The following COL5A3 variants were observed in gnomAD, a reference collection of about 807,000 sequenced individuals.
The protein encoded by COL5A3 is collagen alpha-3(V) chain.
COL5A3 carries 172 observed loss-of-function variants against 250.0 expected under a neutral mutation model. That is an observed-to-expected ratio of 0.69 (90% CI 0.61 to 0.78). The LOEUF (loss-of-function observed/expected upper bound fraction) is 0.78. Among genes scored for constraint, COL5A3 ranks in the 30% least tolerant of loss-of-function variants. The pLI, the probability that COL5A3 is intolerant of heterozygous loss-of-function variation, is 0.00. For synonymous variants in COL5A3, 937 were observed against 900.4 expected, an observed-to-expected ratio of 1.04 and a Z score of -0.73; for missense variants, 2,340 against 2,334.4, an observed-to-expected ratio of 1.00 and a Z score of -0.05.
At chr19:9,998,393 G>A (rs2087304589) in intron 8 of COL5A3, among the ~76,000 whole-genome samples, 2 of 152,112 alleles carry the variant, frequency 1.3e-5, no homozygotes, top group South Asian at 4.1e-4. Flanking sequence ...GCCCAATACT[G>A]ATCCTGCATC....
intron 45 of COL5A3, among the ~76,000 whole-genome samples, chr19:9,974,901 TTTTTG>T (rs2086898570): frequency 6.6e-6 from 1 of 152,122 alleles, no homozygotes; most frequent in Non-Finnish European, 1.5e-5. Flanking sequence ...TTGTTTTTGT[TTTTTG>T]TTTTGTTTTG....
At chr19:10,007,701 G>T (rs548974563) in intron 1 of COL5A3, among the ~76,000 whole-genome samples, 1 of 152,340 alleles carries the variant, frequency 6.6e-6, no homozygotes, top group East Asian at 1.9e-4. Context: ...GCTGGGGCGG[G>T]GGGGCTAAGA....
intron 27 of COL5A3, among the ~76,000 whole-genome samples, chr19:9,987,732 T>G (rs1311394862): frequency 6.6e-6 from 1 of 151,764 alleles, no homozygotes. Context: ...CCAGCGTGGG[T>G]AACAGAGTGA....
rs779527838 is a variant in COL5A3 at position 9,969,853 on chromosome 19, T to G, written c.3990+16A>C. 2.5e-6 allele frequency: 4 copies of G among 1,613,528 alleles called. No homozygotes were observed. In the Admixed American group the frequency reaches 6.7e-5, roughly 27 times the overall value. ...AGAGTAGTGCAGGGACCCTTCCCCTTGCCAGGGGGACTCACCTTGGCACCT... is the reference window on the plus strand; with the variant it reads ...AGAGTAGTGCAGGGACCCTTCCCCTGGCCAGGGGGACTCACCTTGGCACCT... On this transcript the variant is annotated intron_variant, in intron 55 of 66. Coordinates refer to ENST00000264828, the MANE Select transcript of COL5A3 (RefSeq NM_015719.4).
At chr19:9,991,913 G>T (rs2087197954) in intron 22 of COL5A3, 72 bp from the exon 23 acceptor site, 2 of 1,573,154 alleles carry the variant, frequency 1.3e-6, no homozygotes, top group Non-Finnish European at 1.7e-6. Context: ...AATTGACTTG[G>T]GGGGGGTCAG....
chr19:10,003,590 G>A lies in COL5A3; in HGVS notation c.824C>T (p.Pro275Leu). The change falls in exon 6 of 67, where the codon CCA becomes CTA. Residue 275 changes from proline to leucine, a missense_variant. Physicochemically the swap from Pro to Leu is moderately conservative, Grantham distance 98 (BLOSUM62 -3). Coordinates refer to ENST00000264828, the MANE Select transcript of COL5A3 (RefSeq NM_015719.4). ...CTGGTTCTCTGCGGAGTCAGGAGGT[G>A]GACTTGAGGTCCAAATTTCCTTGTT... The part of the protein sequence containing the change: ...KKNKEIWTSS[P>L]PPDSAENQTS... The A allele has an allele frequency of 6.2e-7, 1 of 1,614,164 alleles. No homozygotes were observed.
intron 39 of COL5A3, 73 bp from the exon 40 acceptor site, chr19:9,979,053 C>G: frequency 6.8e-7 from 1 of 1,468,936 alleles, no homozygotes; most frequent in Non-Finnish European, 9.1e-7. Flanking sequence ...ACTCAGGGCC[C>G]CCTCCCCCAT....
Position 9,974,167 on chromosome 19 carries a change from A to C in COL5A3, c.3504+4T>G. 6.2e-7 allele frequency: 1 copy of C among 1,613,630 alleles called. No individual in the cohort carries two copies. Reference sequence around the variant, plus strand: ...CCCTCCCACCTTCCTCTGGGAGTGCATACCATGGACCCGACGTCTCCGACC... The same window carrying C: ...CCCTCCCACCTTCCTCTGGGAGTGCCTACCATGGACCCGACGTCTCCGACC... On this transcript the variant is annotated splice_donor_region_variant and intron_variant, in intron 47 of 66. Coordinates refer to ENST00000264828, the MANE Select transcript of COL5A3 (RefSeq NM_015719.4).
In COL5A3 at chr19:10,010,444, A is replaced by G. The variant is rs1051719342; in HGVS notation, c.-59T>C. The G allele has an allele frequency of 6.1e-5, 72 of 1,179,592 alleles. No individual in the cohort carries two copies. The African/African-American group carries it at 1.1e-3, about 18-fold the overall frequency. 73.1% of individuals were successfully genotyped at this position (1,179,592 alleles called of 1,614,324 possible). A position where few individuals can be genotyped will look rare whatever the true frequency, so the allele number is the denominator to read the frequency against. On this transcript the variant is annotated 5_prime_UTR_variant, in exon 1 of 67. Transcript: ENST00000264828. ...GTCGGGGCGGCTGCGGGGCGCGGCGACTTCTCGGGCTCGGTGCAGTCACTC... is the reference window on the plus strand; with the variant it reads ...GTCGGGGCGGCTGCGGGGCGCGGCGGCTTCTCGGGCTCGGTGCAGTCACTC...
At chr19:9,980,919 G>A in intron 33 of COL5A3, 60 bp from the exon 34 acceptor site, 17 of 1,559,826 alleles carry the variant, frequency 1.1e-5, no homozygotes, top group Non-Finnish European at 1.5e-5. Flanking sequence ...TGGGAGATGA[G>A]ACCAAGTCTT....
At chr19:9,992,636 G>A (rs1220464354) in intron 21 of COL5A3, among the ~76,000 whole-genome samples, 191 bp downstream of exon 21, 1 of 151,782 alleles carries the variant, frequency 6.6e-6, no homozygotes, top group Non-Finnish European at 1.5e-5. Flanking sequence ...AATTAGCCAG[G>A]TGTGCTGGTG....
rs1466787883 is a variant in COL5A3, at chr19:10,005,807, G to T, written c.426C>A (p.Leu142=). 1 of 1,611,040 alleles carries T rather than the reference G, an allele frequency of 6.2e-7. No individual in the cohort carries two copies. The highest frequency in any genetic ancestry group is 1.7e-5 in the Admixed American group (1 of 59,820). Reference sequence around the variant, plus strand: ...CTCCCCATGCTCACCTGCCATCTGTGAGGTTGACCTGCTGGGGGAGGGGGC... The same window carrying T: ...CTCCCCATGCTCACCTGCCATCTGTTAGGTTGACCTGCTGGGGGAGGGGGC... ...PFRPLPQQVN[L]TDGRWHRVAV... The change falls in exon 3 of 67, where the codon CTC becomes CTA. Residue 142 remains leucine, a synonymous_variant. Transcript: ENST00000264828.
chr19:9,997,466 A>G, intron 10 of COL5A3, 33 bp from the exon 11 acceptor site: 6 of 1,498,220 alleles, frequency 4.0e-6, no homozygotes, highest in Non-Finnish European at 5.5e-6. Context: ...AGTCACAGGA[A>G]GTGCAAAGTT....
In COL5A3 at chr19:9,998,278, C is replaced by T. The variant is rs2087303026; in HGVS notation, c.1111-129G>A. The T allele has an allele frequency of 4.3e-6, 4 of 937,720 alleles. No individual in the cohort carries two copies. The African/African-American group carries it at 6.7e-5, about 16-fold the overall frequency. The allele number at this position is 937,720 out of a possible 1,614,324, so 58.1% of individuals were successfully genotyped here. ...CACACGGAGTCCACCCTCAGAGCCC[C>T]TTCTCCTCTACTGTAACCAATATGC... On this transcript the variant is annotated intron_variant, in intron 8 of 66. Transcript: ENST00000264828.
intron 62 of COL5A3, 30 bp from the exon 63 acceptor site, chr19:9,966,776 G>A: frequency 6.7e-7 from 1 of 1,493,864 alleles, no homozygotes; most frequent in Non-Finnish European, 9.0e-7. Context: ...ACGGAGAAGA[G>A]AGGGGAGATG....
chr19:9,983,004 C>T (rs12984065), intron 31 of COL5A3, among the ~76,000 whole-genome samples: 16,624 of 152,058 alleles, frequency 0.11, 1,066 homozygotes, highest in South Asian at 0.27. Flanking sequence ...TACAGGTTCA[C>T]GCCACCATGT....
chr19:9,967,256 G>A (rs1404611830), intron 62 of COL5A3, 91 bp downstream of exon 62: 7 of 944,672 alleles, frequency 7.4e-6, no homozygotes, highest in South Asian at 2.5e-5. Flanking sequence ...CCAGTGCTGC[G>A]CACGGAAGGA....
chr19:10,003,215 T>C (rs1446908676), intron 6 of COL5A3, among the ~76,000 whole-genome samples: 1 of 151,838 alleles, frequency 6.6e-6, no homozygotes, highest in Non-Finnish European at 1.5e-5. Context: ...CAGCCAATGA[T>C]CCCCCCTTAA....
chr19:10,001,432 C>A, intron 8 of COL5A3, 92 bp downstream of exon 8: 1 of 1,300,564 alleles, frequency 7.7e-7, no homozygotes. Flanking sequence ...CAGGCGGGAG[C>A]CACTGCGCCC....
Sources: gnomAD v4.1 joint callset for allele counts (sites outside exome capture counted in the v4.1 genomes callset) on GRCh38, gnomAD v4.1.1 for gene constraint, MANE v1.5 for transcripts, NCBI Gene and HGNC (gene_info 2026-07-23, HGNC 2026-07-21) for gene names.